SF3B2: variants seen among roughly 807,000 people sequenced by gnomAD.
The protein encoded by SF3B2 is splicing factor 3b subunit 2.
SF3B2 carries 22 observed loss-of-function variants against 116.3 expected under a neutral mutation model. That is an observed-to-expected ratio of 0.19 (90% confidence interval 0.14 to 0.27). The LOEUF (loss-of-function observed/expected upper bound fraction) is 0.27, where lower values mean the gene tolerates loss of function less well. Ranked by LOEUF, SF3B2 falls within the 10% of genes least tolerant of loss-of-function variation. The probability of loss-of-function intolerance (pLI) is 1.00; values close to 1 mark genes in which losing one functional copy is unlikely to be tolerated. For missense variants in SF3B2, 767 were observed against 1,151.4 expected (o/e 0.67, Z 4.83); for synonymous variants, 406 against 421.6 (o/e 0.96, Z 0.45).
Position 66,059,153 on chromosome 11 carries a change from T to C in SF3B2, c.1183-48T>C. ...ATCTTTTAGTGCTGGCCTTAGGAAC[T>C]GGGAAGGGGCTCAGAGGGCAGGGGT... On this transcript the variant is annotated intron_variant, in intron 10 of 21. Coordinates refer to ENST00000322535, the MANE Select transcript of SF3B2 (RefSeq NM_006842.3). The surrounding 1 kb of genome is among the most constrained non-coding windows in gnomAD (Gnocchi z 5.0). The C allele has an allele frequency of 6.2e-7, 1 of 1,612,730 alleles. No individual in the cohort carries two copies. The highest frequency in any genetic ancestry group is 8.5e-7 in the Non-Finnish European group (1 of 1,179,404).
In SF3B2 at chr11:66,056,971, C is replaced by T. The variant is rs200940489; in HGVS notation, c.667+16C>T. 669 of 1,571,646 alleles carry T rather than the reference C, an allele frequency of 4.3e-4. 2 individuals are homozygous for T. Among genetic ancestry groups the T allele is most frequent in the Middle Eastern group, 2.0e-3 (12 of 6,016 alleles). Reference sequence around the variant, plus strand: ...GGTCCTCGAGGTGAGACCCTGGAACCGAGGGGAAGGGCAAGGAAGGTGATT... The same window carrying T: ...GGTCCTCGAGGTGAGACCCTGGAACTGAGGGGAAGGGCAAGGAAGGTGATT... On this transcript the variant is annotated intron_variant, in intron 6 of 21. Transcript: ENST00000322535.
rs772724651 is a variant in SF3B2, at chr11:66,059,970, C to T, written c.1590C>T (p.Arg530=). ...TCGAGCTGCCAGACTTCATCAAACG[C>T]ACAGGCATCCAGGAGATGCGAGAGG... The part of the protein sequence containing the change: ...PPFELPDFIK[R]TGIQEMREAL... Residue 530 remains arginine, a synonymous_variant, in exon 13 of 22, where the codon CGC becomes CGT. Transcript: ENST00000322535. This position sits in a 1 kb window ranked among gnomAD's most constrained non-coding sequence, Gnocchi z 5.0. 2.5e-6 allele frequency: 4 copies of T among 1,614,174 alleles called. No individual in the cohort carries two copies. Among genetic ancestry groups the T allele is most frequent in the South Asian group, 1.1e-5 (1 of 91,072 alleles).
In SF3B2 at chr11:66,058,344, C is replaced by T. The variant is rs758071325; in HGVS notation, c.905C>T (p.Ser302Leu). 2.8e-5 allele frequency: 45 copies of T among 1,613,892 alleles called. No homozygotes were observed. In the East Asian group the frequency reaches 6.9e-4, roughly 25 times the overall value. Residue 302 changes from serine (S) to leucine (L), a missense_variant, in exon 9 of 22, where the codon TCG becomes TTG. Ser to Leu is a moderately radical substitution (Grantham distance 145). Coordinates refer to ENST00000322535, the MANE Select transcript of SF3B2 (RefSeq NM_006842.3). ...EEEEMETDARSSLGQSASETE... is the reference protein window; with the variant it reads ...EEEEMETDARLSLGQSASETE... ...GAGGAAATGGAAACAGATGCTCGCTCGTCCCTGGGCCAGTCAGCGTCAGAG... is the reference window on the plus strand; with the variant it reads ...GAGGAAATGGAAACAGATGCTCGCTTGTCCCTGGGCCAGTCAGCGTCAGAG...
chr11:66,058,378 G>A lies in SF3B2; in HGVS notation c.939G>A (p.Glu313=). The A allele has an allele frequency of 6.2e-7, 1 of 1,613,980 alleles. No individual in the cohort carries two copies. The highest frequency in any genetic ancestry group is 8.5e-7 in the Non-Finnish European group (1 of 1,179,922). Residue 313 remains glutamate (E), a synonymous_variant, in exon 9 of 22, where the codon GAG becomes GAA. Transcript: ENST00000322535. ...GCCAGTCAGCGTCAGAGACTGAGGA[G>A]GACACAGTGTCCGTATCTAAAAAGG... ...SLGQSASETE[E]DTVSVSKKEK...
Position 66,055,592 on chromosome 11 carries a change from C to T in SF3B2, c.549+7C>T, listed in dbSNP as rs1856980399. 17 of 1,613,902 alleles carry T rather than the reference C, an allele frequency of 1.1e-5. No individual in the cohort carries two copies. The highest frequency in any genetic ancestry group is 1.4e-5 in the Non-Finnish European group (16 of 1,179,796). ...CTTGGAGCAGCAGAAGCGGGTAATA[C>T]CCCTCCCCCTAACCTTTGACCTCGT... is the stretch of plus-strand genomic sequence containing the variant. On this transcript the variant is annotated splice_region_variant and intron_variant, in intron 5 of 21. Transcript: ENST00000322535.
intron 14 of SF3B2, 58 bp downstream of exon 14, chr11:66,060,789 C>T (rs1857089899): frequency 6.5e-7 from 1 of 1,543,606 alleles, no homozygotes; most frequent in Non-Finnish European, 8.8e-7. Flanking sequence ...CTGTCTAGGG[C>T]TTTTTTTTGT....
chr11:66,053,537 G>A (rs1856930312), intron 3 of SF3B2: 1 of 204,694 alleles, frequency 4.9e-6, no homozygotes, highest in Non-Finnish European at 1.0e-5. Context: ...AAAATTAGCT[G>A]GGCACGGTGG....
In SF3B2 at chr11:66,068,134, G is replaced by A. The variant is rs1410209454; in HGVS notation, c.2431-14G>A. 1.2e-6 allele frequency: 2 copies of A among 1,613,712 alleles called. No individual in the cohort carries two copies. Among genetic ancestry groups the A allele is most frequent in the Admixed American group, 3.3e-5 (2 of 59,892 alleles). Reference sequence around the variant, plus strand: ...GACTCTTTGGAGATGACCAGGCCCTGATCTCCTTTCCAGGTTATGAGCCGG... The same window carrying A: ...GACTCTTTGGAGATGACCAGGCCCTAATCTCCTTTCCAGGTTATGAGCCGG... On this transcript the variant is annotated splice_polypyrimidine_tract_variant and intron_variant, in intron 20 of 21. Coordinates refer to ENST00000322535, the MANE Select transcript of SF3B2 (RefSeq NM_006842.3).
intron 3 of SF3B2, among the ~76,000 whole-genome samples, chr11:66,054,516 C>A (rs1181186594): frequency 1.3e-5 from 2 of 151,510 alleles, no homozygotes; most frequent in African/African-American, 4.8e-5. Flanking sequence ...ACAAGGAAGA[C>A]TGACTTGTCC....
rs554376977 is a variant in SF3B2 at position 66,069,025 on chromosome 11, C to T, written c.*280C>T. 1.8e-5 allele frequency: 8 copies of T among 438,612 alleles called. No individual in the cohort carries two copies. In the East Asian group the frequency reaches 2.8e-4, roughly 15 times the overall value. 27.2% of individuals were successfully genotyped at this position (438,612 alleles called of 1,614,324 possible). Reference sequence around the variant, plus strand: ...ACGAACATAAACTGGGATTAGACGGCGCATTTGACTGGTGGTGACGCCAAC... The same window carrying T: ...ACGAACATAAACTGGGATTAGACGGTGCATTTGACTGGTGGTGACGCCAAC... On this transcript the variant is annotated 3_prime_UTR_variant, in exon 22 of 22. Transcript: ENST00000322535.
intron 4 of SF3B2, 71 bp from the exon 5 acceptor site, chr11:66,055,464 A>G (rs1856977078): frequency 1.3e-6 from 2 of 1,587,274 alleles, no homozygotes; most frequent in Non-Finnish European, 1.7e-6. Context: ...AGAGGATCTC[A>G]AGAAGCAAGA....
intron 9 of SF3B2, 91 bp from the exon 10 acceptor site, chr11:66,058,739 T>G (rs750839964): frequency 5.0e-5 from 55 of 1,108,366 alleles, no homozygotes; most frequent in Non-Finnish European, 7.0e-5. Flanking sequence ...ACTGTTGAAC[T>G]GTGGGGGAGA....
At chr11:66,063,831 T>C (rs1857136245) in intron 19 of SF3B2, 102 bp downstream of exon 19, 2 of 916,734 alleles carry the variant, frequency 2.2e-6, no homozygotes, top group African/African-American at 1.7e-5. Flanking sequence ...TAAACAATTA[T>C]TGAACCAACT....
chr11:66,060,474 G>C (rs994100291), intron 13 of SF3B2, 108 bp from the exon 14 acceptor site: 1 of 1,307,758 alleles, frequency 7.6e-7, no homozygotes, highest in African/African-American at 1.5e-5. Flanking sequence ...TGACTTTCAG[G>C]GTGAGATAAT....
Position 66,059,444 on chromosome 11 carries a change from A to C in SF3B2, c.1321-71A>C. The C allele has an allele frequency of 6.2e-7, 1 of 1,608,784 alleles. No homozygotes were observed. The highest frequency in any genetic ancestry group is 1.7e-5 in the Admixed American group (1 of 59,956). On this transcript the variant is annotated intron_variant, in intron 11 of 21. Transcript: ENST00000322535. The surrounding 1 kb of genome is among the most constrained non-coding windows in gnomAD (Gnocchi z 5.0). Reference sequence around the variant, plus strand: ...ACTCTTACAGAGCTTTGGTGGCTTAAGGTTGGGGTGGGTTGGGCAGTTTCA... The same window carrying C: ...ACTCTTACAGAGCTTTGGTGGCTTACGGTTGGGGTGGGTTGGGCAGTTTCA...
rs768051237 is a variant in SF3B2, at chr11:66,059,563, A to G, written c.1369A>G (p.Met457Val). ...PKLSKKKLRR[M>V]NRFTVAELKQ... is the part of the protein sequence containing the mutation. ...GCTGTCCAAGAAGAAGTTGCGCCGA[A>G]TGAACCGCTTCACTGTGGCTGAACT... Residue 457 changes from methionine to valine, a missense_variant, in exon 12 of 22, where the codon ATG (methionine) becomes GTG (valine). Physicochemically the swap from Met to Val is conservative, Grantham distance 21. Transcript: ENST00000322535. This position sits in a 1 kb window ranked among gnomAD's most constrained non-coding sequence, Gnocchi z 5.0. 1.2e-6 allele frequency: 2 copies of G among 1,614,088 alleles called. No individual in the cohort carries two copies. The highest frequency in any genetic ancestry group is 1.1e-5 in the South Asian group (1 of 91,084).
chr11:66,063,299 A>T, intron 17 of SF3B2, 101 bp from the exon 18 acceptor site: 1 of 1,210,878 alleles, frequency 8.3e-7, no homozygotes. Context: ...GTAGGTAGGG[A>T]TTATTGTGTT....
In SF3B2 at chr11:66,052,374, C is replaced by T. The variant is rs769948864; in HGVS notation, c.-11C>T. The T allele has an allele frequency of 8.9e-5, 143 of 1,607,430 alleles. No homozygotes were observed. Among genetic ancestry groups the T allele is most frequent in the Non-Finnish European group, 1.2e-4 (137 of 1,177,480 alleles). ...GCTTCCGGGTTGGTCGCGCGCCTTC[C>T]TGCGGCTAAGATGGCGACGGAGCAT... On this transcript the variant is annotated 5_prime_UTR_variant, in exon 1 of 22. Transcript: ENST00000322535.
chr11:66,069,250 GAAGTTC>G lies in SF3B2; in HGVS notation c.*510_*515del. ...GCCTTCCCAACTGACCTTGTGACCAGAAGTTCAAGTCCTTACCTGTGCGACAACATA... is the reference window on the plus strand; with the variant it reads ...GCCTTCCCAACTGACCTTGTGACCAGAAGTCCTTACCTGTGCGACAACATA... On this transcript the variant is annotated 3_prime_UTR_variant, in exon 22 of 22. Transcript: ENST00000322535. The G allele has an allele frequency of 2.6e-6, 1 of 387,612 alleles. No individual in the cohort carries two copies. Among genetic ancestry groups the G allele is most frequent in the East Asian group, 7.4e-5 (1 of 13,544 alleles). 24.0% of individuals were successfully genotyped at this position (387,612 alleles called of 1,614,324 possible).
Sources: allele counts gnomAD v4.1 joint callset (sites outside exome capture counted in the v4.1 genomes callset), GRCh38; gene constraint gnomAD v4.1.1; non-coding constraint Gnocchi (gnomAD v3.1); transcripts MANE v1.5; gene names NCBI Gene and HGNC (gene_info 2026-07-23, HGNC 2026-07-21).